The following TBL3 variants were observed in gnomAD, a reference collection of about 807,000 sequenced individuals.
TBL3 encodes transducin beta-like protein 3.
A neutral mutation model predicts 102.7 loss-of-function variants in TBL3; 71 were observed. The ratio of observed to expected loss-of-function variants is 0.69; its 90% CI spans 0.57 to 0.84. The LOEUF is 0.84. Ranked by LOEUF, TBL3 falls within the 40% of genes least tolerant of loss-of-function variation. The pLI is 0.00. For synonymous variants in TBL3, 578 were observed against 477.7 expected, an observed-to-expected ratio of 1.21 and a Z score of -2.74; for missense variants, 1,188 against 1,098.5, an observed-to-expected ratio of 1.08 and a Z score of -1.15.
Position 1,978,033 on chromosome 16 carries a change from GC to G in TBL3, c.2038del (p.His680ThrfsTer4). 6.2e-7 allele frequency: 1 copy of G among 1,606,724 alleles called. No individual in the cohort carries two copies. On this transcript the variant is annotated frameshift_variant, in exon 19 of 22. Transcript: ENST00000568546. LOFTEE classifies it high-confidence loss of function. ...ALGLAISLDR[P>X]HTVLTVIQAI... ...TGGGCCTGGCCATCTCCCTGGATCG[GC>G]CCCACACCGTGCTGACTGTCATCCA...
chr16:1,974,628 GC>G lies in TBL3; in HGVS notation c.333del (p.Val112TrpfsTer13). The G allele has an allele frequency of 1.2e-6, 2 of 1,609,978 alleles. No individual in the cohort carries two copies. The highest frequency in any genetic ancestry group is 1.7e-6 in the Non-Finnish European group (2 of 1,177,470). Reference sequence around the variant, plus strand: ...CCGCCTGTGGAAGGCGATACACACGGCCCCCGTGGCCACCATGGCCTTCGAC... The same window carrying G: ...CCGCCTGTGGAAGGCGATACACACGGCCCCGTGGCCACCATGGCCTTCGAC... ...VTRLWKAIHTAPVATMAFDPT... is the reference protein window; with the variant it reads ...VTRLWKAIHTXPVATMAFDPT... On this transcript the variant is annotated frameshift_variant, in exon 5 of 22. Coordinates refer to ENST00000568546, the MANE Select transcript of TBL3 (RefSeq NM_006453.3). LOFTEE classifies it high-confidence loss of function.
Position 1,979,802 on chromosome 16 carries a change from G to T in TBL3, c.*1117G>T. On this transcript the variant is annotated 3_prime_UTR_variant, in exon 22 of 22. Coordinates refer to ENST00000568546, the MANE Select transcript of TBL3 (RefSeq NM_006453.3). ...GTTAGGCGCATACCGCTGCTCCCTAGGGACGGGCCTCCCTCCCGGCCTTGG... is the reference window on the plus strand; with the variant it reads ...GTTAGGCGCATACCGCTGCTCCCTATGGACGGGCCTCCCTCCCGGCCTTGG... 6.4e-7 allele frequency: 1 copy of T among 1,555,970 alleles called. No homozygotes were observed.
At chr16:1,977,844 C>T in intron 18 of TBL3, 44 bp downstream of exon 18, 1 of 1,572,460 alleles carries the variant, frequency 6.4e-7, no homozygotes. Flanking sequence ...CAGCCCTGCT[C>T]TGTGCTGTAG....
At position 1,974,382 on chromosome 16, in the gene TBL3, C is replaced by T; in HGVS notation, c.196C>T (p.Gln66Ter). 6.2e-7 allele frequency: 1 copy of T among 1,610,304 alleles called. No individual in the cohort carries two copies. Among genetic ancestry groups the T allele is most frequent in the Non-Finnish European group, 8.5e-7 (1 of 1,177,958 alleles). Residue 66 changes from glutamine to a stop codon, truncating the protein, a stop_gained, in exon 4 of 22, where the codon CAG becomes TAG. Transcript: ENST00000568546. LOFTEE classifies it high-confidence loss of function. The stretch of plus-strand genomic sequence containing the variant: ...ACACCACTCTTTCTCCTAGGAGGAC[C>T]AGGAGGACATCACTGCCTTTGACCT... Reference protein sequence around the residue: ...AVLRSLEQEDQEDITAFDLSP... With the variant: ...AVLRSLEQED
intron 17 of TBL3, 27 bp from the exon 18 acceptor site, chr16:1,977,714 GC>G: frequency 1.3e-6 from 2 of 1,552,012 alleles, no homozygotes; most frequent in Non-Finnish European, 1.7e-6. Flanking sequence ...TGGAGTGGAG[GC>G]CCCATCTGAC....
rs769678730 is a variant in TBL3, at chr16:1,975,589, C to T, written c.866C>T (p.Pro289Leu). ...TGTGTGTACACGCAGGCCCAGCCGC[C>T]GGGCCCTGGGCAGGAGCTGACCCAC... ...GQCVYTQAQP[P>L]GPGQELTHCT... Residue 289 changes from proline (P) to leucine (L), a missense_variant, in exon 10 of 22, where the codon CCG (proline) becomes CTG (leucine). Pro to Leu is a moderately conservative substitution (Grantham distance 98, BLOSUM62 -3). Transcript: ENST00000568546. 6.2e-6 allele frequency: 10 copies of T among 1,600,282 alleles called. No individual in the cohort carries two copies. Among genetic ancestry groups the T allele is most frequent in the South Asian group, 5.5e-5 (5 of 90,970 alleles).
At position 1,980,517 on chromosome 16, in the gene TBL3, C is replaced by G. The variant is rs376443980; in HGVS notation, c.*1832C>G. On this transcript the variant is annotated 3_prime_UTR_variant, in exon 22 of 22. Transcript: ENST00000568546. The stretch of plus-strand genomic sequence containing the variant: ...CAGGCGCGCCAGGCCGCGGCTCGTG[C>G]GCCCCACGCGTCCCAACAGTGGTGC... 4.4e-6 allele frequency: 7 copies of G among 1,602,506 alleles called. No individual in the cohort carries two copies. Among genetic ancestry groups the G allele is most frequent in the Non-Finnish European group, 5.9e-6 (7 of 1,178,858 alleles).
rs990950975 is a variant in TBL3 at position 1,982,455 on chromosome 16, C to T, written c.*3770C>T. 3.3e-5 allele frequency: 5 copies of T among 152,272 alleles called. No homozygotes were observed. The highest frequency in any genetic ancestry group is 1.9e-4 in the East Asian group (1 of 5,182). The allele number at this position is 152,272 out of a possible 1,614,324, so 9.4% of individuals were successfully genotyped here. On this transcript the variant is annotated 3_prime_UTR_variant, in exon 22 of 22. Transcript: ENST00000568546. ...CAGGAGAAGCTGGGGAGGATTTATTCACAAGCAGAGGCCTAGAGGGATTCT... is the reference window on the plus strand; with the variant it reads ...CAGGAGAAGCTGGGGAGGATTTATTTACAAGCAGAGGCCTAGAGGGATTCT...
In TBL3 at chr16:1,974,061, C is replaced by G; in HGVS notation, c.47C>G (p.Ala16Gly). Residue 16 changes from alanine to glycine, a missense_variant, in exon 2 of 22, where the codon GCT becomes GGT. Coordinates refer to ENST00000568546, the MANE Select transcript of TBL3 (RefSeq NM_006453.3). ...AGVGRFKTNYAVERKIEPFYK... is the reference protein window; with the variant it reads ...AGVGRFKTNYGVERKIEPFYK... ...GCCTCCCGCTCTCCTTCCAGCTATG[C>G]TGTGGAGCGCAAAATTGAGCCTTTC... The G allele has an allele frequency of 6.4e-7, 1 of 1,574,332 alleles. No homozygotes were observed. Among genetic ancestry groups the G allele is most frequent in the Non-Finnish European group, 8.7e-7 (1 of 1,154,016 alleles).
In TBL3 at chr16:1,979,328, TAGGCCCGCCC is replaced by T. The variant is rs1399060681; in HGVS notation, c.*644_*653del. Reference sequence around the variant, plus strand: ...CCGGCCGCAGCAGCACCGCGGGGAGTAGGCCCGCCCGGTCGCCGTACCTGCGAGGGGCGGG... The same window carrying T: ...CCGGCCGCAGCAGCACCGCGGGGAGTGGTCGCCGTACCTGCGAGGGGCGGG... On this transcript the variant is annotated 3_prime_UTR_variant, in exon 22 of 22. Coordinates refer to ENST00000568546, the MANE Select transcript of TBL3 (RefSeq NM_006453.3). The T allele has an allele frequency of 4.4e-6, 7 of 1,574,030 alleles. No homozygotes were observed. Among genetic ancestry groups the T allele is most frequent in the Non-Finnish European group, 6.0e-6 (7 of 1,167,638 alleles).
chr16:1,974,347 C>G, intron 3 of TBL3, 29 bp from the exon 4 acceptor site: 2 of 1,597,250 alleles, frequency 1.3e-6, no homozygotes, highest in Non-Finnish European at 1.7e-6. Context: ...CCACTCACAC[C>G]GTGCTCGGCA....
rs1317992339 is a variant in TBL3 at position 1,978,405 on chromosome 16, G to A, written c.2227G>A (p.Ala743Thr). ...AVLGVLLRRE[A>T]PEELLAYEGV... The stretch of plus-strand genomic sequence containing the variant: ...GCTGGGTGTGCTCTTGAGGCGAGAG[G>A]CCCCCGAGGAGCTGCTGGCCTACGA... The change falls in exon 21 of 22, where the codon GCC becomes ACC. Residue 743 changes from alanine to threonine, a missense_variant. Coordinates refer to ENST00000568546, the MANE Select transcript of TBL3 (RefSeq NM_006453.3). The A allele has an allele frequency of 1.2e-6, 2 of 1,611,330 alleles. No individual in the cohort carries two copies. Among genetic ancestry groups the A allele is most frequent in the Non-Finnish European group, 1.7e-6 (2 of 1,178,952 alleles).
At chr16:1,976,187 C>G in intron 12 of TBL3, 24 bp from the exon 13 acceptor site, 2 of 1,614,082 alleles carry the variant, frequency 1.2e-6, no homozygotes, top group Non-Finnish European at 1.7e-6. Context: ...GGACCAGCCT[C>G]TCTCCTCAAC....
chr16:1,976,725 C>T (rs2083404701), intron 13 of TBL3, 89 bp from the exon 14 acceptor site: 10 of 1,537,692 alleles, frequency 6.5e-6, no homozygotes, highest in East Asian at 2.3e-5. Context: ...TGGTCTGGAC[C>T]GTGGGCTCCC....
At position 1,976,192 on chromosome 16, in the gene TBL3, C is replaced by G; in HGVS notation, c.1189-19C>G. ...GTAGGCCCATGGACCAGCCTCTCTC[C>G]TCAACTCCCTGTCCCCAGGATCAGA... On this transcript the variant is annotated intron_variant, in intron 12 of 21. Coordinates refer to ENST00000568546, the MANE Select transcript of TBL3 (RefSeq NM_006453.3). The G allele has an allele frequency of 1.2e-6, 2 of 1,614,120 alleles. No individual in the cohort carries two copies. The highest frequency in any genetic ancestry group is 1.7e-6 in the Non-Finnish European group (2 of 1,180,020).
Position 1,976,800 on chromosome 16 carries a change from C to T in TBL3, c.1293-14C>T. 6.2e-7 allele frequency: 1 copy of T among 1,612,838 alleles called. No homozygotes were observed. Among genetic ancestry groups the T allele is most frequent in the Non-Finnish European group, 8.5e-7 (1 of 1,179,902 alleles). ...GGGCTCAGCTGTGTCTCCTCCTCTC[C>T]TGTTGGGTCACAGGCTGAAGGAGTC... is the stretch of plus-strand genomic sequence containing the variant. On this transcript the variant is annotated splice_polypyrimidine_tract_variant and intron_variant, in intron 13 of 21. Coordinates refer to ENST00000568546, the MANE Select transcript of TBL3 (RefSeq NM_006453.3).
chr16:1,979,569 C>T lies in TBL3; in HGVS notation c.*884C>T. ...TGGTGGGAGTGGGTGTTTGGAGTCA[C>T]CGCGGGGCCACAGAGGACGAGGCCC... On this transcript the variant is annotated 3_prime_UTR_variant, in exon 22 of 22. Coordinates refer to ENST00000568546, the MANE Select transcript of TBL3 (RefSeq NM_006453.3). 7 of 1,572,942 alleles carry T rather than the reference C, an allele frequency of 4.5e-6. No individual in the cohort carries two copies. The highest frequency in any genetic ancestry group is 6.1e-6 in the Non-Finnish European group (7 of 1,149,062).
rs1252300478 is a variant in TBL3, at chr16:1,975,394, G to A, written c.761G>A (p.Gly254Asp). The change falls in exon 9 of 22, where the codon GGT becomes GAT. Residue 254 changes from glycine (G) to aspartate (D), a missense_variant. Gly to Asp is a moderately conservative substitution (Grantham distance 94). Coordinates refer to ENST00000568546, the MANE Select transcript of TBL3 (RefSeq NM_006453.3). ...LLPEEPVSQL[G>D]VKSPGLYFLT... ...CCAGAGGAGCCAGTGTCCCAGCTGG[G>A]TGTGAAGTCCCCAGGGCTGTACTTT... The A allele has an allele frequency of 6.2e-7, 1 of 1,613,876 alleles. No individual in the cohort carries two copies. The highest frequency in any genetic ancestry group is 1.3e-5 in the African/African-American group (1 of 74,914).
chr16:1,979,668 TTCC>T lies in TBL3; in HGVS notation c.*986_*988del. 8.5e-7 allele frequency: 1 copy of T among 1,178,354 alleles called. No individual in the cohort carries two copies. The highest frequency in any genetic ancestry group is 1.5e-5 in the African/African-American group (1 of 65,576). The allele number at this position is 1,178,354 out of a possible 1,614,324, so 73.0% of individuals were successfully genotyped here. A position where few individuals can be genotyped will look rare whatever the true frequency, so the allele number is the denominator to read the frequency against. ...GGCCGCTCTAAGACCGGTTCGGGGCTTCCTCTAGGTGCGGAGACCAAGCACGGG... is the reference window on the plus strand; with the variant it reads ...GGCCGCTCTAAGACCGGTTCGGGGCTTCTAGGTGCGGAGACCAAGCACGGG... On this transcript the variant is annotated 3_prime_UTR_variant, in exon 22 of 22. Coordinates refer to ENST00000568546, the MANE Select transcript of TBL3 (RefSeq NM_006453.3).
Sources: allele counts gnomAD v4.1 joint callset, GRCh38; gene constraint gnomAD v4.1.1; transcripts MANE v1.5; gene names NCBI Gene and HGNC (gene_info 2026-07-23, HGNC 2026-07-21).